TPTE2: variants seen among roughly 807,000 people sequenced by gnomAD.
TPTE2 encodes phosphatidylinositol 3,4,5-trisphosphate 3-phosphatase TPTE2.
A neutral mutation model predicts 78.6 loss-of-function variants in TPTE2; 53 were observed. That is an observed-to-expected ratio of 0.67 (90% confidence interval 0.54 to 0.85). The LOEUF is 0.85. Among genes scored for constraint, TPTE2 ranks in the 40% least tolerant of loss-of-function variants. The pLI is 0.00. For missense variants in TPTE2, 461 were observed against 623.0 expected (o/e 0.74, Z 2.77); for synonymous variants, 175 against 206.2 (o/e 0.85, Z 1.30).
At chr13:19,491,052 A>C (rs1289326565) in intron 3 of TPTE2, among the ~76,000 whole-genome samples, 2 of 152,244 alleles carry the variant, frequency 1.3e-5, no homozygotes, top group African/African-American at 4.8e-5. Flanking sequence ...TACTACAGAA[A>C]TAAGACTTTA....
the TPTE2 span, chr13:19,561,144 G>A: frequency 6.9e-6 from 11 of 1,600,332 alleles, no homozygotes; most frequent in Admixed American, 1.5e-4. Flanking sequence ...GCTGGACCAG[G>A]GGCCAGGGCC....
At position 19,512,872 on chromosome 13, in the gene TPTE2, C is replaced by T. The variant is rs533825377; in HGVS notation, c.-43-9595G>A. 5.2e-3 allele frequency among the ~76,000 whole-genome samples: 789 copies of T among 152,254 alleles called. 7 individuals carry two copies. The highest frequency in any genetic ancestry group is 4.3e-3 in the Non-Finnish European group (290 of 68,006). On this transcript the variant is annotated intron_variant, in intron 1 of 17. Coordinates refer to the TPTE2 transcript ENST00000390680. ...GATTACAGGCTTCAGCCACCATGCC[C>T]AGCCAGAAAACACTTTTGACAAACA...
Position 19,534,854 on chromosome 13 carries a change from A to T in TPTE2, c.-44+1742T>A, listed in dbSNP as rs75203897. On this transcript the variant is annotated intron_variant, in intron 1 of 17. Transcript: ENST00000390680. ...ATATTTACATAATTTAAAGCTGACT[A>T]CTTAAGCAAGTTTTGGAGCAATTTT... is the stretch of plus-strand genomic sequence containing the variant. 6.7e-3 allele frequency among the ~76,000 whole-genome samples: 1,022 copies of T among 152,346 alleles called. 9 individuals are homozygous for T. The highest frequency in any genetic ancestry group is 0.022 in the African/African-American group (905 of 41,576).
At chr13:19,462,729 G>T (rs1268012004) in intron 10 of TPTE2, among the ~76,000 whole-genome samples, 3 of 151,784 alleles carry the variant, frequency 2.0e-5, no homozygotes, top group Non-Finnish European at 2.9e-5. Flanking sequence ...ATTGTTTGTA[G>T]AAATGTGGTT....
chr13:19,454,647 C>T (rs1270555046), intron 10 of TPTE2, among the ~76,000 whole-genome samples: 4 of 152,106 alleles, frequency 2.6e-5, no homozygotes, highest in African/African-American at 9.7e-5. Flanking sequence ...GTTAAGGAAT[C>T]AATGACTTAT....
chr13:19,495,731 C>G (rs1881268597), intron 1 of TPTE2, among the ~76,000 whole-genome samples: 1 of 152,212 alleles, frequency 6.6e-6, no homozygotes, highest in Admixed American at 6.5e-5. Flanking sequence ...AGAAGATACT[C>G]TCAATTCATA....
chr13:19,517,263 G>C (rs1257531461), intron 1 of TPTE2, among the ~76,000 whole-genome samples: 1 of 152,188 alleles, frequency 6.6e-6, no homozygotes, highest in Non-Finnish European at 1.5e-5. Flanking sequence ...CCTGTTAGCA[G>C]TTTTCTCACT....
chr13:19,502,909 G>A (rs1201443092), intron 1 of TPTE2, among the ~76,000 whole-genome samples: 10 of 151,336 alleles, frequency 6.6e-5, no homozygotes, highest in Admixed American at 5.9e-4. Context: ...ACAGGAAGCA[G>A]CAGCCCTCCT....
At chr13:19,517,919 T>C (rs115018241) in intron 1 of TPTE2, among the ~76,000 whole-genome samples, 2,072 of 152,278 alleles carry the variant, frequency 0.014, 40 homozygotes, top group African/African-American at 0.046. Flanking sequence ...GCAGAGATTA[T>C]CTCTCCAGTT....
intron 1 of TPTE2, among the ~76,000 whole-genome samples, chr13:19,496,322 G>T (rs1031679718): frequency 7.9e-5 from 12 of 152,176 alleles, no homozygotes; most frequent in African/African-American, 2.9e-4. Context: ...TGACTCAAGA[G>T]TTCACCAAAA....
At chr13:19,440,684 C>A (rs759524127) in intron 13 of TPTE2, among the ~76,000 whole-genome samples, 5 of 152,130 alleles carry the variant, frequency 3.3e-5, no homozygotes. Context: ...GCAGGAGAAT[C>A]GCTTGAACCC....
chr13:19,546,483 C>CTT, the TPTE2 span, among the ~76,000 whole-genome samples: 34,878 of 85,188 alleles, frequency 0.41, 7,261 homozygotes, highest in East Asian at 0.69. Flanking sequence ...TTTTCTTTTT[C>CTT]TTTTTTTTTT....
At chr13:19,472,523 T>A (rs985102852) in intron 6 of TPTE2, among the ~76,000 whole-genome samples, 6 of 152,236 alleles carry the variant, frequency 3.9e-5, no homozygotes, top group Non-Finnish European at 7.3e-5. Context: ...AATTATTTAA[T>A]TTCTTTGTTA....
chr13:19,500,007 G>A (rs1399735361), intron 1 of TPTE2, among the ~76,000 whole-genome samples: 1 of 148,220 alleles, frequency 6.7e-6, no homozygotes, highest in Non-Finnish European at 1.5e-5. Flanking sequence ...TACCATCAGA[G>A]AATACTACAA....
chr13:19,454,607 C>T (rs1878421655), intron 10 of TPTE2, among the ~76,000 whole-genome samples: 2 of 152,112 alleles, frequency 1.3e-5, no homozygotes, highest in Admixed American at 1.3e-4. Flanking sequence ...CACATGATTA[C>T]CTCCTTTTGG....
intron 1 of TPTE2, among the ~76,000 whole-genome samples, chr13:19,499,183 C>A (rs1566066898): frequency 6.6e-6 from 1 of 152,132 alleles, no homozygotes; most frequent in Non-Finnish European, 1.5e-5. Context: ...CACTTAGACT[C>A]CCACACATTA....
At chr13:19,555,199 G>T in the TPTE2 span, among the ~76,000 whole-genome samples, 2 of 151,836 alleles carry the variant, frequency 1.3e-5, no homozygotes, top group African/African-American at 4.8e-5. Flanking sequence ...AGGTTAGTGT[G>T]GCAGAATCTG....
At chr13:19,485,719 T>C (rs962759837) in intron 3 of TPTE2, among the ~76,000 whole-genome samples, 2 of 152,160 alleles carry the variant, frequency 1.3e-5, no homozygotes, top group Admixed American at 6.5e-5. Flanking sequence ...CTTTTTTCAT[T>C]CTTTTTTATC....
chr13:19,522,619 C>CTTTTTTTTTTTTTTTTTTTTTTTTT (rs57248346), intron 1 of TPTE2, among the ~76,000 whole-genome samples: 2 of 121,646 alleles, frequency 1.6e-5, no homozygotes, highest in Non-Finnish European at 1.6e-5. Context: ...CTTTTTTTTT[C>CTTTTTTTTTTTTTTTTTTTTTTTTT]TTTTTTTTTT....
Sources: gnomAD v4.1 joint callset for allele counts (sites outside exome capture counted in the v4.1 genomes callset) on GRCh38, gnomAD v4.1.1 for gene constraint, MANE v1.5 for transcripts, NCBI Gene and HGNC (gene_info 2026-07-23, HGNC 2026-07-21) for gene names.